The following XKR4 variants were observed in gnomAD, a reference collection of about 807,000 sequenced individuals.
XKR4 encodes the protein XK-related protein 4.
A neutral mutation model predicts 53.9 loss-of-function variants in XKR4; 12 were observed. The ratio of observed to expected loss-of-function variants is 0.22; its 90% CI spans 0.14 to 0.36. The LOEUF (loss-of-function observed/expected upper bound fraction) is 0.36, where lower values mean the gene tolerates loss of function less well. XKR4 is among the 10% of genes least tolerant of loss of function. XKR4 has a pLI of 1.00. For missense variants in XKR4, 799 were observed against 859.5 expected, an observed-to-expected ratio of 0.93 and a Z score of 0.88; for synonymous variants, 354 against 362.4, an observed-to-expected ratio of 0.98 and a Z score of 0.26.
chr8:55,247,827 A>G (rs186893911), intron 1 of XKR4, among the ~76,000 whole-genome samples: 1 of 95,360 alleles, frequency 1.0e-5, no homozygotes, highest in African/African-American at 3.1e-5. Flanking sequence ...ATTAATTTTA[A>G]TTTTTCTTTT....
At chr8:55,386,196 G>A (rs1250024994) in intron 2 of XKR4, among the ~76,000 whole-genome samples, 4 of 152,200 alleles carry the variant, frequency 2.6e-5, no homozygotes, top group South Asian at 2.1e-4. Context: ...TCACATCCTC[G>A]GGGAGCCCTT....
At chr8:55,381,239 G>A (rs1332017955) in intron 2 of XKR4, among the ~76,000 whole-genome samples, 2 of 152,084 alleles carry the variant, frequency 1.3e-5, no homozygotes, top group Non-Finnish European at 2.9e-5. Flanking sequence ...TTCTATTGTC[G>A]ATTCCAAATT....
At chr8:55,120,430 A>G (rs1288657117) in intron 1 of XKR4, among the ~76,000 whole-genome samples, 5 of 152,064 alleles carry the variant, frequency 3.3e-5, no homozygotes. Context: ...CTGGTCCAGG[A>G]AATTCAAATT....
chr8:55,161,073 TG>T (rs1816977306), intron 1 of XKR4, among the ~76,000 whole-genome samples: 2 of 152,214 alleles, frequency 1.3e-5, no homozygotes, highest in South Asian at 2.1e-4. Context: ...GCTTCGGCTT[TG>T]GTGGTTATCT....
In XKR4 at chr8:55,529,875, A is replaced by G. The variant is rs1806924985; in HGVS notation, c.*5648A>G. 1 of 152,156 alleles carries G rather than the reference A, an allele frequency of 6.6e-6. No individual in the cohort carries two copies. The highest frequency in any genetic ancestry group is 1.5e-5 in the Non-Finnish European group (1 of 68,022). 9.4% of individuals were successfully genotyped at this position (152,156 alleles called of 1,614,324 possible). On this transcript the variant is annotated 3_prime_UTR_variant, in exon 3 of 3. Transcript: ENST00000327381. ...GGAAGTCTCTATCACCTGTAACTAAATTTTACCTTAACTCTAACTCATAGT... is the reference window on the plus strand; with the variant it reads ...GGAAGTCTCTATCACCTGTAACTAAGTTTTACCTTAACTCTAACTCATAGT...
rs1435234325 is a variant in XKR4 at position 55,374,006 on chromosome 8, C to T, written c.1006+16129C>T. Among the ~76,000 whole-genome samples, 3 of 152,098 alleles carry T rather than the reference C, an allele frequency of 2.0e-5. 1 individual carries two copies. Among genetic ancestry groups the T allele is most frequent in the Non-Finnish European group, 1.5e-5 (1 of 68,020 alleles). On this transcript the variant is annotated intron_variant, in intron 2 of 2. Coordinates refer to ENST00000327381, the MANE Select transcript of XKR4 (RefSeq NM_052898.2). ...TCGGAGAAGTGCGAGGTCTCTTACT[C>T]AGGCCAAGTGCGGTAGCACAGCCAA...
intron 1 of XKR4, among the ~76,000 whole-genome samples, chr8:55,201,117 G>A (rs1008848848): frequency 5.3e-5 from 8 of 152,284 alleles, no homozygotes; most frequent in African/African-American, 1.9e-4. Flanking sequence ...TTAAACAAAT[G>A]TGAATTTAAA....
intron 1 of XKR4, among the ~76,000 whole-genome samples, chr8:55,224,954 A>G (rs745678885): frequency 6.6e-6 from 1 of 152,248 alleles, no homozygotes; most frequent in Non-Finnish European, 1.5e-5. Context: ...GTTTTCTGTT[A>G]CTAATTAATG....
At position 55,536,757 on chromosome 8, in the gene XKR4, G is replaced by A. The variant is rs1476622702; in HGVS notation, c.*12530G>A. 8.5e-5 allele frequency: 13 copies of A among 152,216 alleles called. No individual in the cohort carries two copies. The highest frequency in any genetic ancestry group is 3.1e-4 in the African/African-American group (13 of 41,460). The allele number at this position is 152,216 out of a possible 1,614,324, so 9.4% of individuals were successfully genotyped here. On this transcript the variant is annotated 3_prime_UTR_variant, in exon 3 of 3. Transcript: ENST00000327381. ...TTTCAGCAAACACATGAATGAAAGA[G>A]GTCAGGTAGGCTGTCCTGGGCATTC...
intron 2 of XKR4, among the ~76,000 whole-genome samples, chr8:55,421,143 C>G (rs1804922822): frequency 6.6e-6 from 1 of 152,156 alleles, no homozygotes; most frequent in Non-Finnish European, 1.5e-5. Flanking sequence ...AATAGTGATT[C>G]TAAAAACACT....
intron 1 of XKR4, among the ~76,000 whole-genome samples, chr8:55,315,639 A>T (rs1029006207): frequency 1.3e-5 from 2 of 152,192 alleles, no homozygotes; most frequent in Admixed American, 1.3e-4. Flanking sequence ...AGCCTGAGTG[A>T]CAGAGCAAGA....
At chr8:55,178,448 G>A (rs939084168) in intron 1 of XKR4, among the ~76,000 whole-genome samples, 5 of 152,206 alleles carry the variant, frequency 3.3e-5, no homozygotes, top group South Asian at 2.1e-4. Flanking sequence ...AACGTCAAAC[G>A]TTCAGTACAA....
intron 1 of XKR4, among the ~76,000 whole-genome samples, chr8:55,188,166 A>G (rs1817403169): frequency 6.6e-6 from 1 of 152,188 alleles, no homozygotes; most frequent in African/African-American, 2.4e-5. Flanking sequence ...TATATAGTTG[A>G]GTTACAACTA....
rs183900114 is a variant in XKR4, at chr8:55,537,727, T to G, written c.*13500T>G. Reference sequence around the variant, plus strand: ...TCCTTCCCTTACAAACAGAATGTTTTTATGAAATCAAATGGATCCTCCACT... The same window carrying G: ...TCCTTCCCTTACAAACAGAATGTTTGTATGAAATCAAATGGATCCTCCACT... On this transcript the variant is annotated 3_prime_UTR_variant, in exon 3 of 3. Coordinates refer to ENST00000327381, the MANE Select transcript of XKR4 (RefSeq NM_052898.2). The G allele has an allele frequency of 5.3e-5, 8 of 152,330 alleles. No individual in the cohort carries two copies. In the East Asian group the frequency reaches 1.5e-3, roughly 29 times the overall value. 9.4% of individuals were successfully genotyped at this position (152,330 alleles called of 1,614,324 possible).
intron 1 of XKR4, among the ~76,000 whole-genome samples, chr8:55,338,799 A>G (rs2129381803): frequency 6.6e-6 from 1 of 152,310 alleles, no homozygotes; most frequent in Non-Finnish European, 1.5e-5. Flanking sequence ...ATTTTTGGAT[A>G]TTTTGGATTT....
chr8:55,522,616 G>T (rs115998249), intron 2 of XKR4, among the ~76,000 whole-genome samples: 218 of 152,274 alleles, frequency 1.4e-3, no homozygotes, highest in African/African-American at 5.2e-3. Context: ...GAATCACAAA[G>T]CTGACAGGGA....
chr8:55,146,942 G>A (rs10504182), intron 1 of XKR4, among the ~76,000 whole-genome samples: 1,968 of 152,268 alleles, frequency 0.013, 87 homozygotes, highest in South Asian at 0.11. Context: ...CATAGCAGCC[G>A]ATGTTGCAGT....
intron 1 of XKR4, among the ~76,000 whole-genome samples, chr8:55,222,144 T>C (rs992843323): frequency 6.6e-6 from 1 of 152,222 alleles, no homozygotes. Flanking sequence ...CTGTTAGTTG[T>C]AGCATGTGTA....
At chr8:55,212,254 T>G (rs1817741345) in intron 1 of XKR4, among the ~76,000 whole-genome samples, 1 of 152,198 alleles carries the variant, frequency 6.6e-6, no homozygotes, top group East Asian at 1.9e-4. Flanking sequence ...ATACACTTAG[T>G]TAATTCTCTC....
Sources: allele counts gnomAD v4.1 joint callset (sites outside exome capture counted in the v4.1 genomes callset), GRCh38; gene constraint gnomAD v4.1.1; transcripts MANE v1.5; gene names NCBI Gene and HGNC (gene_info 2026-07-23, HGNC 2026-07-21).